Variants in CDH13 observed in about 807,000 individuals in gnomAD.
The protein encoded by CDH13 is cadherin 13.
A neutral mutation model predicts 63.8 loss-of-function variants in CDH13; 24 were observed. The ratio of observed to expected loss-of-function variants is 0.38; its 90% CI spans 0.27 to 0.53. CDH13 has a LOEUF of 0.53. Among genes scored for constraint, CDH13 ranks in the 20% least tolerant of loss-of-function variants. The pLI, the probability that CDH13 is intolerant of heterozygous loss-of-function variation, is 0.85. For synonymous variants in CDH13, 503 were observed against 355.3 expected, an observed-to-expected ratio of 1.42 and a Z score of -4.67; for missense variants, 1,049 against 903.1, an observed-to-expected ratio of 1.16 and a Z score of -2.07.
intron 7 of CDH13, among the ~76,000 whole-genome samples, chr16:83,524,783 G>T (rs1158113950): frequency 6.6e-6 from 1 of 152,068 alleles, no homozygotes; most frequent in East Asian, 1.9e-4. Context: ...CCTCTTACTA[G>T]CTGAGAGGTC....
chr16:82,860,006 A>G (rs2039872592), intron 2 of CDH13, among the ~76,000 whole-genome samples: 1 of 152,220 alleles, frequency 6.6e-6, no homozygotes, highest in Non-Finnish European at 1.5e-5. Flanking sequence ...GGGTCAGGCC[A>G]TTAGGAACCC....
intron 2 of CDH13, among the ~76,000 whole-genome samples, chr16:82,939,162 G>A (rs1486970170): frequency 1.3e-5 from 2 of 152,154 alleles, no homozygotes; most frequent in Non-Finnish European, 2.9e-5. Flanking sequence ...AGTGGCTCAC[G>A]CCTGCAATCC....
intron 6 of CDH13, among the ~76,000 whole-genome samples, chr16:83,483,313 C>G (rs768444472): frequency 1.2e-4 from 19 of 152,148 alleles, no homozygotes; most frequent in Non-Finnish European, 2.4e-4. Flanking sequence ...CACCTGTTCC[C>G]TAACAATCCA....
At chr16:83,351,972 A>G (rs574031573) in intron 6 of CDH13, among the ~76,000 whole-genome samples, 6 of 152,342 alleles carry the variant, frequency 3.9e-5, no homozygotes, top group South Asian at 4.1e-4. Context: ...TAGATAGTGG[A>G]TGGCCTTGCT....
chr16:83,645,937 T>C (rs752664461), intron 8 of CDH13, among the ~76,000 whole-genome samples: 2 of 152,154 alleles, frequency 1.3e-5, no homozygotes, highest in African/African-American at 2.4e-5. Context: ...AGAAAACCAA[T>C]TGTGAATCCT....
intron 3 of CDH13, among the ~76,000 whole-genome samples, chr16:83,066,816 A>G (rs1292768094): frequency 6.6e-6 from 1 of 152,112 alleles, no homozygotes; most frequent in African/African-American, 2.4e-5. Flanking sequence ...CTTCTACTCT[A>G]CCCTTCATGG....
intron 6 of CDH13, among the ~76,000 whole-genome samples, chr16:83,398,762 T>C (rs2091924862): frequency 6.6e-6 from 1 of 152,212 alleles, no homozygotes; most frequent in Admixed American, 6.5e-5. Flanking sequence ...AATAATACAA[T>C]GCCTTCTTTG....
intron 1 of CDH13, among the ~76,000 whole-genome samples, chr16:82,810,631 A>G (rs2037396138): frequency 6.6e-6 from 1 of 152,122 alleles, no homozygotes; most frequent in Non-Finnish European, 1.5e-5. Flanking sequence ...AAACCCTGAG[A>G]CATGATTCTC....
chr16:83,580,930 T>C (rs1267630973), intron 7 of CDH13, among the ~76,000 whole-genome samples: 1 of 152,222 alleles, frequency 6.6e-6, no homozygotes, highest in Non-Finnish European at 1.5e-5. Context: ...GAGCAATACT[T>C]AGCATCTTTG....
chr16:83,153,599 G>C (rs2037082745), intron 4 of CDH13, among the ~76,000 whole-genome samples: 1 of 152,174 alleles, frequency 6.6e-6, no homozygotes, highest in African/African-American at 2.4e-5. Flanking sequence ...GGGACAGTTT[G>C]GAGGTTCGAG....
chr16:83,279,745 A>C (rs1472256582), intron 5 of CDH13, among the ~76,000 whole-genome samples: 1 of 152,182 alleles, frequency 6.6e-6, no homozygotes, highest in Non-Finnish European at 1.5e-5. Flanking sequence ...AAACCATAAA[A>C]CATACCTAAA....
chr16:82,707,094 C>T (rs1259591877), intron 1 of CDH13, among the ~76,000 whole-genome samples: 2 of 152,214 alleles, frequency 1.3e-5, no homozygotes, highest in Non-Finnish European at 2.9e-5. Context: ...TAGCTTTAGT[C>T]ACAGGCAGGT....
At chr16:83,784,917 C>G (rs2077644959) in intron 13 of CDH13, among the ~76,000 whole-genome samples, 1 of 152,212 alleles carries the variant, frequency 6.6e-6, no homozygotes, top group Non-Finnish European at 1.5e-5. Flanking sequence ...CCTCGATTAT[C>G]TCACTGGCTT....
chr16:83,085,031 T>C (rs1355280211), intron 3 of CDH13, among the ~76,000 whole-genome samples: 3 of 152,192 alleles, frequency 2.0e-5, no homozygotes, highest in African/African-American at 7.2e-5. Flanking sequence ...TCAGCATCCT[T>C]AATTGTCTGG....
chr16:83,515,865 A>G (rs1276980462), intron 7 of CDH13, among the ~76,000 whole-genome samples: 4 of 152,288 alleles, frequency 2.6e-5, no homozygotes, highest in East Asian at 3.9e-4. Context: ...AAGATTGCCT[A>G]TATATTTATA....
chr16:83,569,085 A>G (rs1326603193), intron 7 of CDH13, among the ~76,000 whole-genome samples: 1 of 151,944 alleles, frequency 6.6e-6, no homozygotes, highest in East Asian at 1.9e-4. Context: ...CTCCTTCTGA[A>G]CACCCTAGAT....
intron 5 of CDH13, among the ~76,000 whole-genome samples, chr16:83,259,268 T>A (rs1218501825): frequency 1.3e-5 from 2 of 152,226 alleles, no homozygotes; most frequent in African/African-American, 2.4e-5. Context: ...AATGAGAATC[T>A]GGTATCCACG....
intron 6 of CDH13, among the ~76,000 whole-genome samples, chr16:83,390,468 T>C (rs77935850): frequency 6.3e-4 from 96 of 151,856 alleles, no homozygotes; most frequent in Non-Finnish European, 1.1e-3. Flanking sequence ...TTTTTTTTTT[T>C]CCATGAGAAC....
At chr16:83,203,931 C>A (rs1469425411) in intron 4 of CDH13, among the ~76,000 whole-genome samples, 1 of 152,154 alleles carries the variant, frequency 6.6e-6, no homozygotes, top group African/African-American at 2.4e-5. Flanking sequence ...ATTATTATGA[C>A]AAAGCTCAGG....
Sources: allele counts gnomAD v4.1 joint callset (sites outside exome capture counted in the v4.1 genomes callset), GRCh38; gene constraint gnomAD v4.1.1; transcripts MANE v1.5; gene names NCBI Gene and HGNC (gene_info 2026-07-23, HGNC 2026-07-21).